The following MKLN1 variants were observed in gnomAD, a reference collection of about 807,000 sequenced individuals.
MKLN1 encodes muskelin.
MKLN1 carries 18 observed loss-of-function variants against 99.0 expected under a neutral mutation model. The ratio of observed to expected loss-of-function variants is 0.18; its 90% CI spans 0.13 to 0.27. The LOEUF (loss-of-function observed/expected upper bound fraction) is 0.27, where lower values mean the gene tolerates loss of function less well. MKLN1 is among the 10% of genes least tolerant of loss of function. The pLI, the probability that MKLN1 is intolerant of heterozygous loss-of-function variation, is 1.00. For synonymous variants in MKLN1, 288 were observed against 293.2 expected (o/e 0.98, Z 0.18); for missense variants, 621 against 875.9 (o/e 0.71, Z 3.67).
chr7:131,484,858 G>A (rs1293528894), intron 17 of MKLN1, among the ~76,000 whole-genome samples: 3 of 151,694 alleles, frequency 2.0e-5, no homozygotes, highest in Non-Finnish European at 4.4e-5. Flanking sequence ...ATGTTGCTGG[G>A]AGTCAGGGTT....
At chr7:131,428,987 T>G (rs1173295173) in intron 8 of MKLN1, 46 bp from the exon 9 acceptor site, 7 of 1,522,840 alleles carry the variant, frequency 4.6e-6, no homozygotes, top group Non-Finnish European at 1.8e-6. Flanking sequence ...GTGCTTATGC[T>G]TATTTTGTCC....
At chr7:131,381,795 A>G (rs1214398264) in intron 2 of MKLN1, among the ~76,000 whole-genome samples, 2 of 152,208 alleles carry the variant, frequency 1.3e-5, no homozygotes, top group South Asian at 2.1e-4. Flanking sequence ...CCTTCTCTCT[A>G]GTAACCAATG....
intron 3 of MKLN1, among the ~76,000 whole-genome samples, chr7:131,302,088 A>G (rs1254240443): frequency 6.6e-6 from 1 of 152,264 alleles, no homozygotes; most frequent in Non-Finnish European, 1.5e-5. Flanking sequence ...GATAGCGTTC[A>G]TTAGGAAGTG....
chr7:131,271,775 G>A (rs1357058782), intron 3 of MKLN1, among the ~76,000 whole-genome samples: 1 of 151,960 alleles, frequency 6.6e-6, no homozygotes, highest in Admixed American at 6.6e-5. Flanking sequence ...CAGGTGTGGT[G>A]GTGCGCACCT....
At chr7:131,284,601 G>A (rs902706954) in intron 3 of MKLN1, among the ~76,000 whole-genome samples, 1 of 152,204 alleles carries the variant, frequency 6.6e-6, no homozygotes, top group Non-Finnish European at 1.5e-5. Flanking sequence ...ATTTACCAGT[G>A]CACTGGGCTG....
chr7:131,315,588 T>G (rs1798652401), intron 3 of MKLN1, among the ~76,000 whole-genome samples: 1 of 151,958 alleles, frequency 6.6e-6, no homozygotes, highest in Non-Finnish European at 1.5e-5. Flanking sequence ...AGCCAGGGAG[T>G]CAAGTGGTCT....
chr7:131,452,000 G>A (rs1245381269), intron 12 of MKLN1, among the ~76,000 whole-genome samples: 1 of 152,252 alleles, frequency 6.6e-6, no homozygotes, highest in Non-Finnish European at 1.5e-5. Context: ...GTAATACTGA[G>A]GTCTTACAAC....
rs1200054583 is a variant in MKLN1, at chr7:131,192,130, TA to T, written c.-296-10722del. 5.7e-4 allele frequency among the ~76,000 whole-genome samples: 48 copies of T among 84,118 alleles called. 6 individuals are homozygous for T. Among genetic ancestry groups the T allele is most frequent in the African/African-American group, 2.2e-3 (36 of 16,706 alleles). 55.2% of individuals were successfully genotyped at this position (84,118 alleles called of 152,430 possible). ...TATATTATATATATACGTATATATA[TA>T]AAAATATATATACGTATATATACAT... On this transcript the variant is annotated intron_variant, in intron 2 of 7. Coordinates refer to the MKLN1 transcript ENST00000416992.
chr7:131,287,195 C>A (rs1185200872), intron 3 of MKLN1, among the ~76,000 whole-genome samples: 1 of 152,238 alleles, frequency 6.6e-6, no homozygotes, highest in Non-Finnish European at 1.5e-5. Flanking sequence ...CCTGTCCCAT[C>A]TGAGATGAAC....
At chr7:131,290,339 C>T (rs1798199079) in intron 3 of MKLN1, among the ~76,000 whole-genome samples, 1 of 152,078 alleles carries the variant, frequency 6.6e-6, no homozygotes, top group Non-Finnish European at 1.5e-5. Flanking sequence ...AAATTGCAAT[C>T]CTCTGTACAA....
intron 2 of MKLN1, among the ~76,000 whole-genome samples, chr7:131,193,391 A>C (rs1458715172): frequency 1.3e-5 from 2 of 152,030 alleles, no homozygotes; most frequent in Admixed American, 6.6e-5. Flanking sequence ...TTTGAGACGG[A>C]GTCTCACTCT....
At chr7:131,225,564 T>C (rs528542563) in intron 3 of MKLN1, among the ~76,000 whole-genome samples, 5 of 152,324 alleles carry the variant, frequency 3.3e-5, no homozygotes, top group African/African-American at 1.2e-4. Context: ...ACATTCACTT[T>C]GGAGCAACAG....
At chr7:131,126,700 C>T (rs544917318) in intron 1 of MKLN1, among the ~76,000 whole-genome samples, 5 of 152,264 alleles carry the variant, frequency 3.3e-5, no homozygotes, top group East Asian at 1.9e-4. Flanking sequence ...GTTACAGGTG[C>T]GTGCCACTGT....
At chr7:131,283,898 T>C (rs1051251716) in intron 3 of MKLN1, among the ~76,000 whole-genome samples, 3 of 152,228 alleles carry the variant, frequency 2.0e-5, no homozygotes, top group African/African-American at 7.2e-5. Flanking sequence ...TAGCTTTTTT[T>C]CTCAACATTG....
chr7:131,430,493 A>T (rs1307904507), intron 9 of MKLN1, among the ~76,000 whole-genome samples: 1 of 152,164 alleles, frequency 6.6e-6, no homozygotes, highest in African/African-American at 2.4e-5. Context: ...CTACTAAAGT[A>T]TTGTAAATCT....
rs1383309177 is a variant in MKLN1 at position 131,489,500 on chromosome 7, A to G, written c.*1772A>G. The G allele has an allele frequency of 1.3e-5, 2 of 152,202 alleles. No homozygotes were observed. Among genetic ancestry groups the G allele is most frequent in the Admixed American group, 6.6e-5 (1 of 15,264 alleles). 9.4% of individuals were successfully genotyped at this position (152,202 alleles called of 1,614,324 possible). ...CGATTCCCCTGAGTGACACAAGAAC[A>G]TAAAATGTTAATATCACTAATATAG... On this transcript the variant is annotated 3_prime_UTR_variant, in exon 18 of 18. Transcript: ENST00000352689.
At chr7:131,275,002 G>A (rs1797939129) in intron 3 of MKLN1, among the ~76,000 whole-genome samples, 2 of 152,154 alleles carry the variant, frequency 1.3e-5, no homozygotes, top group African/African-American at 4.8e-5. Flanking sequence ...GTCAAGATGA[G>A]AAATGAGACC....
chr7:131,399,483 A>G (rs1299457166), intron 6 of MKLN1, 50 bp downstream of exon 6: 3 of 1,482,064 alleles, frequency 2.0e-6, no homozygotes, highest in Non-Finnish European at 2.8e-6. Context: ...CATACGGGAA[A>G]CTTTTTCTCA....
chr7:131,262,536 TG>T (rs1797747679), intron 3 of MKLN1, among the ~76,000 whole-genome samples: 1 of 152,004 alleles, frequency 6.6e-6, no homozygotes. Context: ...TTTGTTATTA[TG>T]TTTTTTTTTC....
Sources: gnomAD v4.1 joint callset for allele counts (sites outside exome capture counted in the v4.1 genomes callset) on GRCh38, gnomAD v4.1.1 for gene constraint, MANE v1.5 for transcripts, NCBI Gene and HGNC (gene_info 2026-07-23, HGNC 2026-07-21) for gene names.